The following SLC8A1 variants were observed in gnomAD, a reference collection of about 807,000 sequenced individuals.
SLC8A1 encodes the protein sodium/calcium exchanger 1.
In SLC8A1, 18 loss-of-function variants were observed where a neutral mutation model predicts 68.3. The observed-to-expected ratio is 0.26, with a 90% confidence interval of 0.18 to 0.39. The LOEUF is 0.39. SLC8A1 is among the 10% of genes least tolerant of loss of function. SLC8A1 has a pLI of 1.00. For synonymous variants in SLC8A1, 475 were observed against 415.5 expected (o/e 1.14, Z -1.74); for missense variants, 985 against 1,156.7 (o/e 0.85, Z 2.15).
At chr2:40,403,818 G>C (rs1439095263) in intron 2 of SLC8A1, among the ~76,000 whole-genome samples, 9 of 152,118 alleles carry the variant, frequency 5.9e-5, no homozygotes, top group South Asian at 2.1e-4. Context: ...TAATAGCATT[G>C]TCTCCGAAGG....
chr2:40,205,369 A>G (rs1057093411), intron 2 of SLC8A1, among the ~76,000 whole-genome samples: 1 of 152,060 alleles, frequency 6.6e-6, no homozygotes, highest in Admixed American at 6.6e-5. Context: ...GGAATGCTTC[A>G]AGGAACTTAA....
At chr2:40,259,390 A>G (rs560492889) in intron 2 of SLC8A1, among the ~76,000 whole-genome samples, 1 of 152,214 alleles carries the variant, frequency 6.6e-6, no homozygotes, top group Non-Finnish European at 1.5e-5. Context: ...ATATTGCCTT[A>G]TTTGAAAAGG....
At chr2:40,408,321 GCTTAA>G (rs1691026567) in intron 2 of SLC8A1, among the ~76,000 whole-genome samples, 1 of 152,070 alleles carries the variant, frequency 6.6e-6, no homozygotes, top group South Asian at 2.1e-4. Flanking sequence ...ATCCTCCCAG[GCTTAA>G]CTTATCAACA....
chr2:40,335,104 G>A (rs764499496), intron 2 of SLC8A1, among the ~76,000 whole-genome samples: 1 of 152,152 alleles, frequency 6.6e-6, no homozygotes, highest in Non-Finnish European at 1.5e-5. Flanking sequence ...TGAATTTCCT[G>A]CTAAGATAAA....
chr2:40,136,458 C>A (rs144814369), intron 7 of SLC8A1, among the ~76,000 whole-genome samples: 1 of 152,042 alleles, frequency 6.6e-6, no homozygotes, highest in Non-Finnish European at 1.5e-5. Flanking sequence ...GGAGGACTAA[C>A]GGGAAAGTTT....
At position 40,386,610 on chromosome 2, in the gene SLC8A1, A is replaced by C. The variant is rs1031821185; in HGVS notation, c.1808+41863T>G. Among the ~76,000 whole-genome samples, 8 of 139,434 alleles carry C rather than the reference A, an allele frequency of 5.7e-5. 1 individual carries two copies. The highest frequency in any genetic ancestry group is 2.4e-4 in the African/African-American group (8 of 32,870). 91.5% of individuals were successfully genotyped at this position (139,434 alleles called of 152,430 possible). On this transcript the variant is annotated intron_variant, in intron 2 of 7. Coordinates refer to ENST00000406785, the Ensembl canonical transcript of SLC8A1. ...GGTATTGGGTCTAATTACTTGATGAAATTTAAAAATCAAAAAAAAAAATAA... is the reference window on the plus strand; with the variant it reads ...GGTATTGGGTCTAATTACTTGATGACATTTAAAAATCAAAAAAAAAAATAA...
chr2:40,368,545 G>A (rs188340314), intron 2 of SLC8A1, among the ~76,000 whole-genome samples: 79 of 152,050 alleles, frequency 5.2e-4, no homozygotes, highest in Middle Eastern at 3.4e-3. Context: ...TAAAAAAACA[G>A]AATTATCTTC....
intron 2 of SLC8A1, among the ~76,000 whole-genome samples, chr2:40,226,814 G>C (rs1331732883): frequency 1.3e-5 from 2 of 152,130 alleles, no homozygotes; most frequent in East Asian, 3.9e-4. Context: ...ATTAGTTAAT[G>C]GAAGTGCCAC....
intron 2 of SLC8A1, among the ~76,000 whole-genome samples, chr2:40,426,842 C>CATATA (rs1039107942): frequency 6.6e-6 from 1 of 151,764 alleles, no homozygotes; most frequent in Non-Finnish European, 1.5e-5. Context: ...GATTAGAAAA[C>CATATA]ATAATCATTA....
exon 8 of SLC8A1, chr2:40,115,405 C>A: frequency 2.5e-6 from 4 of 1,614,122 alleles, no homozygotes; most frequent in Non-Finnish European, 8.5e-7. Context: ...TACAGCAGCA[C>A]CCCCACATTG....
At chr2:40,161,816 T>C (rs1284495868) in intron 5 of SLC8A1, among the ~76,000 whole-genome samples, 3 of 152,170 alleles carry the variant, frequency 2.0e-5, no homozygotes, top group African/African-American at 2.4e-5. Context: ...TGTCAGAGCA[T>C]CCTTGAATTT....
intron 1 of SLC8A1, among the ~76,000 whole-genome samples, chr2:40,442,509 A>C (rs2149835218): frequency 6.6e-6 from 1 of 152,320 alleles, no homozygotes; most frequent in Non-Finnish European, 1.5e-5. Flanking sequence ...AGAAAAGCTC[A>C]TCATCACTGA....
chr2:40,367,133 C>T (rs796624997), intron 2 of SLC8A1, among the ~76,000 whole-genome samples: 1 of 152,092 alleles, frequency 6.6e-6, no homozygotes, highest in African/African-American at 2.4e-5. Context: ...AGCCCCCAAC[C>T]TGCCAGTGTG....
At chr2:40,172,991 C>T (rs554282022) in intron 4 of SLC8A1, among the ~76,000 whole-genome samples, 10 of 152,184 alleles carry the variant, frequency 6.6e-5, no homozygotes, top group Middle Eastern at 3.4e-3. Flanking sequence ...TATTCAAACA[C>T]GTCAATGTGT....
intron 2 of SLC8A1, among the ~76,000 whole-genome samples, chr2:40,397,382 G>C (rs12465380): frequency 0.4 from 60,301 of 152,064 alleles, 13,240 homozygotes; most frequent in Non-Finnish European, 0.49. Context: ...TAATTGGCTT[G>C]TCTCATTCCA....
intron 1 of SLC8A1, among the ~76,000 whole-genome samples, chr2:40,451,589 A>C (rs116255953): frequency 2.6e-5 from 4 of 152,244 alleles, no homozygotes; most frequent in African/African-American, 9.6e-5. Flanking sequence ...TGCAGGGTGC[A>C]GCATCTCTCC....
intron 1 of SLC8A1, among the ~76,000 whole-genome samples, chr2:40,435,842 C>G (rs1208911104): frequency 6.6e-6 from 1 of 152,064 alleles, no homozygotes; most frequent in Non-Finnish European, 1.5e-5. Context: ...GTGGTATGAA[C>G]TCGGCTCACT....
intron 2 of SLC8A1, among the ~76,000 whole-genome samples, chr2:40,402,923 TTTTA>T (rs1400418593): frequency 6.6e-6 from 1 of 152,170 alleles, no homozygotes; most frequent in African/African-American, 2.4e-5. Context: ...CCATTTGATT[TTTTA>T]TTTGTGACTT....
intron 2 of SLC8A1, among the ~76,000 whole-genome samples, chr2:40,287,585 T>TGTGG (rs1347093503): frequency 4.7e-4 from 49 of 105,224 alleles, no homozygotes; most frequent in African/African-American, 2.6e-3. Flanking sequence ...AGGAATGATG[T>TGTGG]GTGTGTGTGT....
Sources: allele counts gnomAD v4.1 joint callset (sites outside exome capture counted in the v4.1 genomes callset), GRCh38; gene constraint gnomAD v4.1.1; transcripts MANE v1.5; gene names NCBI Gene and HGNC (gene_info 2026-07-23, HGNC 2026-07-21).